ATP8A2: variants seen among roughly 807,000 people sequenced by gnomAD.
The protein encoded by ATP8A2 is ATPase phospholipid transporting 8A2.
ATP8A2 carries 100 observed loss-of-function variants against 165.6 expected under a neutral mutation model. The ratio of observed to expected loss-of-function variants is 0.60; its 90% confidence interval spans 0.51 to 0.71. ATP8A2 has a LOEUF of 0.71. ATP8A2 is among the 30% of genes least tolerant of loss of function. The pLI is 0.00. For missense variants in ATP8A2, 1,227 were observed against 1,479.5 expected (o/e 0.83, Z 2.80); for synonymous variants, 543 against 548.8 (o/e 0.99, Z 0.15).
intron 24 of ATP8A2, among the ~76,000 whole-genome samples, chr13:25,691,491 G>A (rs1352010513): frequency 6.6e-6 from 1 of 152,208 alleles, no homozygotes; most frequent in Non-Finnish European, 1.5e-5. Context: ...GAAACATTTT[G>A]TGGGAGGTAG....
intron 13 of ATP8A2, among the ~76,000 whole-genome samples, chr13:25,556,354 T>C (rs1295096043): frequency 2.6e-5 from 4 of 152,216 alleles, no homozygotes; most frequent in African/African-American, 9.6e-5. Context: ...TTTGCACTCC[T>C]CTGATGATTA....
chr13:25,925,461 G>C (rs549010215), intron 33 of ATP8A2, among the ~76,000 whole-genome samples: 4 of 149,596 alleles, frequency 2.7e-5, no homozygotes, highest in African/African-American at 9.9e-5. Context: ...GTGAGCTCTG[G>C]AAGGCAGAGC....
intron 25 of ATP8A2, among the ~76,000 whole-genome samples, chr13:25,707,647 G>A (rs2043080554): frequency 6.6e-6 from 1 of 152,208 alleles, no homozygotes; most frequent in African/African-American, 2.4e-5. Flanking sequence ...TTGCCAAGGG[G>A]CATTTAATAA....
intron 35 of ATP8A2, among the ~76,000 whole-genome samples, chr13:25,978,585 T>C (rs568792954): frequency 9.9e-5 from 15 of 151,856 alleles, no homozygotes; most frequent in African/African-American, 3.6e-4. Flanking sequence ...AAAGTGACTT[T>C]GTAGTGCATC....
At chr13:25,725,884 A>C (rs931894860) in intron 25 of ATP8A2, among the ~76,000 whole-genome samples, 1 of 152,122 alleles carries the variant, frequency 6.6e-6, no homozygotes, top group Non-Finnish European at 1.5e-5. Flanking sequence ...ACCAGCATAC[A>C]CTCATTCTGT....
At chr13:25,531,197 A>ATATATGATATATGTTG in intron 4 of ATP8A2, among the ~76,000 whole-genome samples, 1 of 143,752 alleles carries the variant, frequency 7.0e-6, no homozygotes, top group African/African-American at 2.6e-5. Flanking sequence ...TATATATGTT[A>ATATATGATATATGTTG]TATATGATAT....
intron 24 of ATP8A2, among the ~76,000 whole-genome samples, chr13:25,645,688 G>A (rs1326866905): frequency 3.3e-5 from 5 of 152,004 alleles, no homozygotes; most frequent in East Asian, 1.9e-4. Flanking sequence ...TTGTTCCGAA[G>A]GATGTTTAAT....
intron 3 of ATP8A2, 57 bp downstream of exon 3, chr13:25,530,155 T>TTGCTAAAGGTTCCTTAAC: frequency 9.0e-7 from 1 of 1,114,276 alleles, no homozygotes; most frequent in Non-Finnish European, 1.3e-6. Flanking sequence ...AAATGAGATT[T>TTGCTAAAGGTTCCTTAAC]TGCTAAAGGT....
chr13:25,585,445 A>G (rs1191308452), intron 23 of ATP8A2, among the ~76,000 whole-genome samples: 1 of 152,144 alleles, frequency 6.6e-6, no homozygotes, highest in Non-Finnish European at 1.5e-5. Flanking sequence ...TGTGTATTCC[A>G]TTTTAAAGTA....
chr13:25,842,501 G>A (rs926977009), intron 30 of ATP8A2, among the ~76,000 whole-genome samples: 6 of 151,984 alleles, frequency 3.9e-5, no homozygotes, highest in East Asian at 1.9e-4. Flanking sequence ...GTAAAACCCC[G>A]TCTCTACTAA....
At chr13:25,435,932 AGT>A (rs781137300) in intron 1 of ATP8A2, among the ~76,000 whole-genome samples, 35,538 of 75,434 alleles carry the variant, frequency 0.47, 4,557 homozygotes, top group Non-Finnish European at 0.52. Flanking sequence ...TGTGTGTGTG[AGT>A]GTGTGTGTGT....
chr13:25,855,380 C>CCTTTG (rs376027700), intron 30 of ATP8A2, among the ~76,000 whole-genome samples: 17 of 152,234 alleles, frequency 1.1e-4, no homozygotes, highest in African/African-American at 4.1e-4. Context: ...GAATATGTGG[C>CCTTTG]CTTTGGTGTC....
intron 24 of ATP8A2, among the ~76,000 whole-genome samples, chr13:25,666,221 A>AT (rs1050000927): frequency 6.7e-6 from 1 of 149,596 alleles, no homozygotes; most frequent in South Asian, 2.1e-4. Flanking sequence ...TTTATTTTTT[A>AT]TTTTTTTGAG....
At chr13:26,001,087 G>A (rs1374706286) in intron 35 of ATP8A2, among the ~76,000 whole-genome samples, 1 of 152,130 alleles carries the variant, frequency 6.6e-6, no homozygotes, top group Non-Finnish European at 1.5e-5. Context: ...CCTGTTTTCA[G>A]TCTTTACATA....
At chr13:25,801,895 T>C (rs558526353) in intron 27 of ATP8A2, among the ~76,000 whole-genome samples, 1 of 151,964 alleles carries the variant, frequency 6.6e-6, no homozygotes, top group Non-Finnish European at 1.5e-5. Context: ...CAAGGAGAAG[T>C]GCAGAGCAAA....
At chr13:25,538,199 T>A in intron 7 of ATP8A2, 138 bp downstream of exon 7, 1 of 577,806 alleles carries the variant, frequency 1.7e-6, no homozygotes, top group Non-Finnish European at 3.1e-6. Flanking sequence ...TTCTTGTCAT[T>A]TCCCTTCTCC....
intron 23 of ATP8A2, among the ~76,000 whole-genome samples, chr13:25,588,350 T>G (rs2039980344): frequency 6.6e-6 from 1 of 152,222 alleles, no homozygotes; most frequent in Admixed American, 6.5e-5. Context: ...TTGTCTATCT[T>G]GAATTTCATT....
chr13:25,382,433 C>T (rs1374989995), intron 1 of ATP8A2, among the ~76,000 whole-genome samples: 1 of 152,154 alleles, frequency 6.6e-6, no homozygotes, highest in Non-Finnish European at 1.5e-5. Flanking sequence ...GTTTTCACGT[C>T]TTTTGGGAAA....
intron 25 of ATP8A2, among the ~76,000 whole-genome samples, chr13:25,746,615 T>G (rs1176058420): frequency 1.3e-5 from 2 of 152,240 alleles, no homozygotes; most frequent in African/African-American, 4.8e-5. Flanking sequence ...CCTGCTCATT[T>G]GTGGGAAAGC....
Sources: allele counts gnomAD v4.1 joint callset (sites outside exome capture counted in the v4.1 genomes callset), GRCh38; gene constraint gnomAD v4.1.1; transcripts MANE v1.5; gene names NCBI Gene and HGNC (gene_info 2026-07-23, HGNC 2026-07-21).